GRIK3: variants seen among roughly 807,000 people sequenced by gnomAD.
GRIK3 encodes glutamate receptor ionotropic, kainate 3.
In GRIK3, 29 loss-of-function variants were observed where a neutral mutation model predicts 102.5. The observed-to-expected ratio is 0.28, with a 90% confidence interval of 0.21 to 0.39. The LOEUF (loss-of-function observed/expected upper bound fraction) is 0.39. GRIK3 is among the 10% of genes least tolerant of loss of function. The pLI is 1.00. For missense variants in GRIK3, 908 were observed against 1,252.4 expected, an observed-to-expected ratio of 0.73 and a Z score of 4.15; for synonymous variants, 511 against 504.9, an observed-to-expected ratio of 1.01 and a Z score of -0.16.
chr1:36,963,729 C>T (rs1003828176), intron 1 of GRIK3, among the ~76,000 whole-genome samples: 6 of 152,182 alleles, frequency 3.9e-5, no homozygotes, highest in African/African-American at 1.4e-4. Context: ...GGCCCAGCTT[C>T]CTTTAGGAAA....
At chr1:36,959,560 G>T (rs1401806244) in intron 1 of GRIK3, among the ~76,000 whole-genome samples, 1 of 110,290 alleles carries the variant, frequency 9.1e-6, no homozygotes. Flanking sequence ...TCCCATGACT[G>T]TGTGCTCCAT....
chr1:36,839,479 T>C (rs867502594), intron 10 of GRIK3, among the ~76,000 whole-genome samples: 74 of 152,162 alleles, frequency 4.9e-4, no homozygotes, highest in Admixed American at 1.8e-3. Context: ...GTTAGGAAAG[T>C]GCAGCTCAGA....
chr1:36,985,097 A>G (rs115116431), intron 1 of GRIK3, among the ~76,000 whole-genome samples: 1,934 of 152,224 alleles, frequency 0.013, 13 homozygotes, highest in Non-Finnish European at 0.021. Context: ...GTGGGGGTCC[A>G]GGCATGCGGG....
At chr1:36,966,276 G>A (rs1008603884) in intron 1 of GRIK3, among the ~76,000 whole-genome samples, 1 of 152,214 alleles carries the variant, frequency 6.6e-6, no homozygotes, top group African/African-American at 2.4e-5. Flanking sequence ...GTCTCAAGCT[G>A]GACATGGGAC....
intron 1 of GRIK3, among the ~76,000 whole-genome samples, chr1:37,016,034 C>T (rs1432182811): frequency 6.6e-6 from 1 of 152,212 alleles, no homozygotes; most frequent in Non-Finnish European, 1.5e-5. Context: ...CCAAGAGACA[C>T]ACAGCAGCCA....
intron 10 of GRIK3, among the ~76,000 whole-genome samples, chr1:36,839,847 T>C (rs751783711): frequency 1.3e-5 from 2 of 152,178 alleles, no homozygotes; most frequent in Non-Finnish European, 2.9e-5. Flanking sequence ...TGGGCCAGGC[T>C]CCAGCCTTCA....
chr1:36,868,274 G>A (rs1373922197), intron 5 of GRIK3, among the ~76,000 whole-genome samples: 1 of 152,234 alleles, frequency 6.6e-6, no homozygotes, highest in African/African-American at 2.4e-5. Flanking sequence ...CTTTCCAGGA[G>A]ACAGCATGGC....
intron 1 of GRIK3, among the ~76,000 whole-genome samples, chr1:37,021,285 C>T (rs957205166): frequency 3.3e-5 from 5 of 152,038 alleles, no homozygotes; most frequent in Non-Finnish European, 5.9e-5. Context: ...AGCATCCCAA[C>T]CCGTGAAAGA....
chr1:36,927,868 C>A (rs1018137162), intron 1 of GRIK3, among the ~76,000 whole-genome samples: 1 of 151,874 alleles, frequency 6.6e-6, no homozygotes, highest in Non-Finnish European at 1.5e-5. Context: ...AGACCCGGAG[C>A]CCCGGCTTGC....
At chr1:36,844,306 G>A (rs768979087) in intron 9 of GRIK3, among the ~76,000 whole-genome samples, 4 of 152,202 alleles carry the variant, frequency 2.6e-5, no homozygotes, top group African/African-American at 9.6e-5. Context: ...TCTCTCACTC[G>A]CCTTCCAACC....
chr1:36,992,002 C>A (rs1036498095), intron 1 of GRIK3, among the ~76,000 whole-genome samples: 4 of 152,196 alleles, frequency 2.6e-5, no homozygotes, highest in African/African-American at 9.6e-5. Flanking sequence ...GCAGGCCAAG[C>A]CTGGCAGTAA....
At chr1:36,837,318 C>T (rs1315720697) in intron 10 of GRIK3, among the ~76,000 whole-genome samples, 1 of 152,180 alleles carries the variant, frequency 6.6e-6, no homozygotes, top group African/African-American at 2.4e-5. Context: ...CCCAAATCCT[C>T]AATTTCTCCA....
intron 13 of GRIK3, among the ~76,000 whole-genome samples, chr1:36,814,796 G>C (rs1642605909): frequency 6.6e-6 from 1 of 151,952 alleles, no homozygotes; most frequent in African/African-American, 2.4e-5. Context: ...TATCCAAGCA[G>C]ACAGACAAAT....
At chr1:37,011,819 A>G (rs943465789) in intron 1 of GRIK3, among the ~76,000 whole-genome samples, 2 of 152,166 alleles carry the variant, frequency 1.3e-5, no homozygotes, top group Non-Finnish European at 2.9e-5. Context: ...GCAGAGACGC[A>G]TTTCTCCCAG....
chr1:36,810,241 A>G (rs376481706), intron 13 of GRIK3, among the ~76,000 whole-genome samples: 5 of 151,788 alleles, frequency 3.3e-5, no homozygotes, highest in African/African-American at 1.2e-4. Flanking sequence ...AGTTCCCATC[A>G]CTGGCCAGAG....
chr1:36,859,893 A>G lies in GRIK3; in HGVS notation c.911T>C (p.Leu304Pro). ...AIVEKWSMERLQAAPRSESGL... is the reference protein window; with the variant it reads ...AIVEKWSMERPQAAPRSESGL... Reference sequence around the variant, plus strand: ...AGACTCGGACCGGGGAGCTGCCTGCAGCCGCTCCATGGACCACTTCTCCAC... The same window carrying G: ...AGACTCGGACCGGGGAGCTGCCTGCGGCCGCTCCATGGACCACTTCTCCAC... The change falls in exon 6 of 16, where the codon CTG (leucine) becomes CCG (proline). Residue 304 changes from leucine (L) to proline (P), a missense_variant. Transcript: ENST00000373091. 1 of 1,613,878 alleles carries G rather than the reference A, an allele frequency of 6.2e-7. No individual in the cohort carries two copies. Among genetic ancestry groups the G allele is most frequent in the Non-Finnish European group, 8.5e-7 (1 of 1,179,764 alleles).
chr1:36,809,120 C>G (rs1160813175), intron 13 of GRIK3, among the ~76,000 whole-genome samples: 2 of 151,964 alleles, frequency 1.3e-5, no homozygotes, highest in Non-Finnish European at 2.9e-5. Context: ...ATGCATCTGC[C>G]CATCTAATCT....
At chr1:36,802,564 T>C (rs1042457541) in intron 15 of GRIK3, among the ~76,000 whole-genome samples, 1 of 152,100 alleles carries the variant, frequency 6.6e-6, no homozygotes, top group Non-Finnish European at 1.5e-5. Context: ...CAGCACATGT[T>C]TCTCAAGGTG....
chr1:36,995,835 CACAA>C (rs1383335483), intron 1 of GRIK3, among the ~76,000 whole-genome samples: 2 of 152,218 alleles, frequency 1.3e-5, no homozygotes, highest in Non-Finnish European at 2.9e-5. Context: ...TCCCAGACCT[CACAA>C]ACAGAGCTGG....
Sources: gnomAD v4.1 joint callset for allele counts (sites outside exome capture counted in the v4.1 genomes callset) on GRCh38, gnomAD v4.1.1 for gene constraint, MANE v1.5 for transcripts, NCBI Gene and HGNC (gene_info 2026-07-23, HGNC 2026-07-21) for gene names.